ASCC3: variants seen among roughly 807,000 people sequenced by gnomAD.
The protein encoded by ASCC3 is ASC-1 complex subunit P200.
A neutral mutation model predicts 256.3 loss-of-function variants in ASCC3; 158 were observed. That is an observed-to-expected ratio of 0.62 (90% CI 0.54 to 0.70). The LOEUF is 0.70. ASCC3 is among the 30% of genes least tolerant of loss of function. The pLI is 0.00. For synonymous variants in ASCC3, 948 were observed against 883.4 expected, an observed-to-expected ratio of 1.07 and a Z score of -1.30; for missense variants, 2,259 against 2,626.0, an observed-to-expected ratio of 0.86 and a Z score of 3.05.
At position 100,655,782 on chromosome 6, in the gene ASCC3, C is replaced by G. The variant is rs1775887401; in HGVS notation, c.2740G>C (p.Val914Leu). Residue 914 changes from valine to leucine, a missense_variant, in exon 17 of 42, where the codon GTG becomes CTG. Physicochemically the swap from Val to Leu is conservative, Grantham distance 32. Around this residue, in one of 2 missense-constraint regions of ASCC3, gnomAD observed 1,839 missense variants for 2,206.7 expected, o/e 0.83. Transcript: ENST00000369162. ...LGTVTNVEEAVKWISYTYLYV... is the reference protein window; with the variant it reads ...LGTVTNVEEALKWISYTYLYV... Reference sequence around the variant, plus strand: ...AGATAAGTGTAACTTATCCACTTCACTGCTTCTTCCACATTAGTAACTGTT... The same window carrying G: ...AGATAAGTGTAACTTATCCACTTCAGTGCTTCTTCCACATTAGTAACTGTT... The G allele has an allele frequency of 6.2e-7, 1 of 1,611,648 alleles. No homozygotes were observed. Among genetic ancestry groups the G allele is most frequent in the African/African-American group, 1.3e-5 (1 of 74,856 alleles).
intron 11 of ASCC3, among the ~76,000 whole-genome samples, chr6:100,719,699 A>G (rs1465040212): frequency 1.3e-5 from 2 of 151,972 alleles, no homozygotes. Flanking sequence ...TATACACTAT[A>G]CCTATTTACC....
chr6:100,636,201 A>AT (rs1434818351), intron 25 of ASCC3, among the ~76,000 whole-genome samples: 1 of 151,992 alleles, frequency 6.6e-6, no homozygotes, highest in Non-Finnish European at 1.5e-5. Flanking sequence ...AATTCTATTG[A>AT]TTTTTCCAAC....
At chr6:100,778,272 A>C (rs1476505730) in intron 8 of ASCC3, among the ~76,000 whole-genome samples, 1 of 152,180 alleles carries the variant, frequency 6.6e-6, no homozygotes, top group Non-Finnish European at 1.5e-5. Flanking sequence ...TTACATCAGA[A>C]TTTGAAAGTC....
At chr6:100,572,819 AT>A (rs1770666338) in intron 36 of ASCC3, among the ~76,000 whole-genome samples, 1 of 152,130 alleles carries the variant, frequency 6.6e-6, no homozygotes, top group Non-Finnish European at 1.5e-5. Context: ...TAAGCTCTGT[AT>A]TTAATACTTA....
At chr6:100,715,818 T>A (rs1013428383) in intron 12 of ASCC3, among the ~76,000 whole-genome samples, 3 of 151,822 alleles carry the variant, frequency 2.0e-5, no homozygotes, top group African/African-American at 7.2e-5. Flanking sequence ...TTCTTGTTAG[T>A]TACAAATATT....
At chr6:100,553,948 C>T (rs1769432970) in intron 36 of ASCC3, among the ~76,000 whole-genome samples, 1 of 152,102 alleles carries the variant, frequency 6.6e-6, no homozygotes, top group African/African-American at 2.4e-5. Context: ...TTTACTCACA[C>T]CCTTATGTCA....
rs554727800 is a variant in ASCC3 at position 100,624,461 on chromosome 6, A to G, written c.4785+731T>C. ...ATAATATTTTATCTATAATATATCA[A>G]TAAGTTGCAACAAATGAGGATGTAG... On this transcript the variant is annotated intron_variant, in intron 30 of 41. Coordinates refer to ENST00000369162, the MANE Select transcript of ASCC3 (RefSeq NM_006828.4). Among the ~76,000 whole-genome samples, 18 of 152,060 alleles carry G rather than the reference A, an allele frequency of 1.2e-4. No homozygotes were observed. In the East Asian group the frequency reaches 2.9e-3, roughly 24 times the overall value.
chr6:100,826,306 T>C (rs1771306003), intron 4 of ASCC3, among the ~76,000 whole-genome samples: 1 of 152,116 alleles, frequency 6.6e-6, no homozygotes, highest in South Asian at 2.1e-4. Flanking sequence ...TAATTTTTTG[T>C]ATTTTTAGTA....
intron 5 of ASCC3, among the ~76,000 whole-genome samples, chr6:100,803,159 T>A (rs1770004873): frequency 1.3e-5 from 2 of 151,994 alleles, no homozygotes; most frequent in African/African-American, 2.4e-5. Context: ...TAGATACTCA[T>A]AAACCTTGCT....
chr6:100,657,931 C>G (rs914042863), intron 16 of ASCC3, among the ~76,000 whole-genome samples: 3 of 151,434 alleles, frequency 2.0e-5, no homozygotes, highest in African/African-American at 7.3e-5. Flanking sequence ...CTACTTAGTA[C>G]AGGAACCTTT....
chr6:100,552,169 GATA>G (rs1212618869), intron 36 of ASCC3, among the ~76,000 whole-genome samples: 3 of 151,446 alleles, frequency 2.0e-5, no homozygotes, highest in Admixed American at 1.3e-4. Context: ...TAATAATAAT[GATA>G]ATAATCACAT....
At chr6:100,737,147 T>C (rs1780211422) in intron 10 of ASCC3, among the ~76,000 whole-genome samples, 1 of 14,828 alleles carries the variant, frequency 6.7e-5, no homozygotes, top group Admixed American at 1.4e-3. Flanking sequence ...ACTCCGTCTA[T>C]TTAAAAAAAA....
intron 36 of ASCC3, among the ~76,000 whole-genome samples, chr6:100,580,575 C>A (rs935650998): frequency 2.0e-5 from 3 of 148,428 alleles, no homozygotes; most frequent in Middle Eastern, 3.5e-3. Context: ...AAATAAAAAT[C>A]TTTTATTATT....
At chr6:100,631,346 C>G in intron 25 of ASCC3, 133 bp from the exon 26 acceptor site, 1 of 669,750 alleles carries the variant, frequency 1.5e-6, no homozygotes. Flanking sequence ...TCTGAATACT[C>G]AAATTTTTAA....
chr6:100,509,780 C>T (rs960414116), intron 41 of ASCC3, 152 bp downstream of exon 41: 12 of 810,972 alleles, frequency 1.5e-5, no homozygotes, highest in Non-Finnish European at 2.1e-5. Context: ...CCCAGCTACT[C>T]GGGAGGCTGA....
intron 4 of ASCC3, among the ~76,000 whole-genome samples, chr6:100,821,879 T>C (rs1771064905): frequency 1.3e-5 from 2 of 151,952 alleles, no homozygotes; most frequent in African/African-American, 2.4e-5. Context: ...GAATGAACTA[T>C]GAAAACGTTT....
chr6:100,543,708 GA>G (rs759765129), intron 36 of ASCC3, among the ~76,000 whole-genome samples: 1 of 151,240 alleles, frequency 6.6e-6, no homozygotes, highest in African/African-American at 2.4e-5. Flanking sequence ...CAAAATCCAT[GA>G]AAAAAAACTT....
intron 37 of ASCC3, among the ~76,000 whole-genome samples, chr6:100,537,805 G>A (rs935680626): frequency 1.5e-4 from 22 of 151,234 alleles, no homozygotes; most frequent in African/African-American, 3.4e-4. Flanking sequence ...AAGAGAAAAC[G>A]ATTTCTCTTT....
chr6:100,755,890 G>A (rs1781153529), intron 10 of ASCC3, among the ~76,000 whole-genome samples: 2 of 151,930 alleles, frequency 1.3e-5, no homozygotes, highest in African/African-American at 4.8e-5. Flanking sequence ...ACTTTGAAAA[G>A]AACTTCCAAA....
Sources: gnomAD v4.1 joint callset for allele counts (sites outside exome capture counted in the v4.1 genomes callset) on GRCh38, gnomAD v4.1.1 for gene constraint, gnomAD v4.1.1 regional missense constraint, MANE v1.5 for transcripts, NCBI Gene and HGNC (gene_info 2026-07-23, HGNC 2026-07-21) for gene names.